Variants in COP1 observed in about 807,000 individuals in gnomAD.
COP1 encodes COP1 E3 ubiquitin ligase, also known as E3 ubiquitin-protein ligase COP1.
In COP1, 24 loss-of-function variants were observed where a neutral mutation model predicts 101.3. The ratio of observed to expected loss-of-function variants is 0.24; its 90% CI spans 0.17 to 0.33. The LOEUF is 0.33. COP1 is among the 10% of genes least tolerant of loss of function. The probability of loss-of-function intolerance (pLI) is 1.00; values close to 1 mark genes in which losing one functional copy is unlikely to be tolerated. For synonymous variants in COP1, 347 were observed against 341.9 expected (o/e 1.01, Z -0.17); for missense variants, 663 against 906.2 (o/e 0.73, Z 3.45).
intron 11 of COP1, among the ~76,000 whole-genome samples, chr1:176,063,611 A>G (rs1300510221): frequency 6.6e-6 from 1 of 152,214 alleles, no homozygotes; most frequent in African/African-American, 2.4e-5. Flanking sequence ...GAAGAGAAGA[A>G]GAGGAGAGAA....
At chr1:176,151,381 GAAAGAAAGAAA>G (rs1296387532) in intron 5 of COP1, among the ~76,000 whole-genome samples, 6 of 112,438 alleles carry the variant, frequency 5.3e-5, no homozygotes, top group African/African-American at 1.3e-4. Context: ...AAGAAAGAAA[GAAAGAAAGAAA>G]GAAAGAAAGA....
intron 1 of COP1, among the ~76,000 whole-genome samples, chr1:176,191,129 C>T (rs1006244154): frequency 6.6e-6 from 1 of 151,964 alleles, no homozygotes; most frequent in African/African-American, 2.4e-5. Context: ...ATACTCTAAA[C>T]CTCATAATCT....
At chr1:176,103,527 T>C (rs1572250631) in intron 9 of COP1, among the ~76,000 whole-genome samples, 3 of 152,178 alleles carry the variant, frequency 2.0e-5, no homozygotes, top group Admixed American at 2.0e-4. Context: ...AATATTTGCA[T>C]TGTACTTACC....
chr1:176,159,706 A>G (rs972174634), intron 5 of COP1, among the ~76,000 whole-genome samples: 4 of 152,332 alleles, frequency 2.6e-5, no homozygotes, highest in African/African-American at 9.6e-5. Flanking sequence ...TAACTACAGC[A>G]TGAAACCCTT....
rs1700965847 is a variant in COP1 at position 176,207,268 on chromosome 1, C to G, written c.-290G>C. 1 of 387,364 alleles carries G rather than the reference C, an allele frequency of 2.6e-6. No individual in the cohort carries two copies. Among genetic ancestry groups the G allele is most frequent in the African/African-American group, 2.1e-5 (1 of 47,628 alleles). 24.0% of individuals were successfully genotyped at this position (387,364 alleles called of 1,614,324 possible). A position where few individuals can be genotyped will look rare whatever the true frequency, so the allele number is the denominator to read the frequency against. ...CCAACCCCGGCGCGCCGTGGCCGGC[C>G]GTGCGCGCGCGCGCGAGCGGCGGAA... On this transcript the variant is annotated 5_prime_UTR_variant, in exon 1 of 20. Transcript: ENST00000367669.
At chr1:175,947,016 A>G (rs1008729156) in intron 19 of COP1, among the ~76,000 whole-genome samples, 179 bp downstream of exon 19, 1 of 152,230 alleles carries the variant, frequency 6.6e-6, no homozygotes, top group African/African-American at 2.4e-5. Flanking sequence ...AAGCACTATC[A>G]TCTTCTCCAC....
At chr1:176,069,859 C>T (rs1676661615) in intron 11 of COP1, among the ~76,000 whole-genome samples, 2 of 152,172 alleles carry the variant, frequency 1.3e-5, no homozygotes, top group African/African-American at 4.8e-5. Flanking sequence ...ATCTCCTTTC[C>T]CCTTTGGATT....
intron 3 of COP1, among the ~76,000 whole-genome samples, chr1:176,172,326 G>A (rs1451979437): frequency 6.6e-6 from 1 of 152,200 alleles, no homozygotes; most frequent in Non-Finnish European, 1.5e-5. Flanking sequence ...ATAGGTTTGA[G>A]CCACTGCACC....
intron 11 of COP1, among the ~76,000 whole-genome samples, chr1:176,079,638 A>T (rs867222284): frequency 2.6e-4 from 39 of 147,904 alleles, no homozygotes; most frequent in East Asian, 4.1e-4. Flanking sequence ...ATCTATAATT[A>T]AAAAAAAAAG....
At chr1:176,128,249 C>T (rs1350891584) in intron 8 of COP1, among the ~76,000 whole-genome samples, 3 of 152,006 alleles carry the variant, frequency 2.0e-5, no homozygotes, top group Admixed American at 2.0e-4. Flanking sequence ...TTCAAATATT[C>T]TAAAGAAAAT....
At chr1:176,206,427 G>T in intron 1 of COP1, 145 bp downstream of exon 1, 1 of 888,450 alleles carries the variant, frequency 1.1e-6, no homozygotes, top group Non-Finnish European at 1.7e-6. Flanking sequence ...GCCTGCAAAC[G>T]CTCGATTCCC....
rs551719472 is a variant in COP1 at position 175,998,212 on chromosome 1, C to CA, written c.1730-8734dup. 7.4e-3 allele frequency among the ~76,000 whole-genome samples: 1,086 copies of CA among 147,228 alleles called. 7 individuals carry two copies. The highest frequency in any genetic ancestry group is 0.014 in the Middle Eastern group (4 of 276). On this transcript the variant is annotated intron_variant, in intron 15 of 19. Transcript: ENST00000367669. The stretch of plus-strand genomic sequence containing the variant: ...CATTCTCAGTAAACTATCACAAGAA[C>CA]AAAAAACCAAACACCACATATTCTC...
At chr1:176,112,344 G>A (rs1685444838) in intron 9 of COP1, among the ~76,000 whole-genome samples, 1 of 151,438 alleles carries the variant, frequency 6.6e-6, no homozygotes, top group South Asian at 2.1e-4. Flanking sequence ...TTAAGTTTTA[G>A]GGTACATGTG....
intron 6 of COP1, among the ~76,000 whole-genome samples, chr1:176,139,291 A>C (rs934819892): frequency 7.6e-6 from 1 of 131,954 alleles, no homozygotes. Flanking sequence ...AAAAAAACAA[A>C]AAAAAAAAAC....
chr1:175,948,215 T>C lies in COP1; in HGVS notation c.2134-976A>G, dbSNP rs1447035459. Among the ~76,000 whole-genome samples, 3 of 152,128 alleles carry C rather than the reference T, an allele frequency of 2.0e-5. No homozygotes were observed. The East Asian group carries it at 5.8e-4, about 29-fold the overall frequency. On this transcript the variant is annotated intron_variant, in intron 18 of 19. Transcript: ENST00000367669. ...GGGAAAAGAAATGGACATGACTGAG[T>C]TTACTAGAGAGAATCTCAGAAAGTA...
rs142710089 is a variant in COP1, at chr1:176,194,720, T to C, written c.408-10028A>G. The stretch of plus-strand genomic sequence containing the variant: ...TACTCTGGGTACAAGAAACCCACTT[T>C]AAATATTAAAACACGTACATAATAG... On this transcript the variant is annotated intron_variant, in intron 1 of 19. Transcript: ENST00000367669. 2.0e-5 allele frequency among the ~76,000 whole-genome samples: 3 copies of C among 152,020 alleles called. No homozygotes were observed. The East Asian group carries it at 5.8e-4, about 29-fold the overall frequency.
chr1:176,008,444 C>G (rs1191052588), intron 15 of COP1, among the ~76,000 whole-genome samples: 1 of 152,164 alleles, frequency 6.6e-6, no homozygotes, highest in Non-Finnish European at 1.5e-5. Context: ...ATGATACTTT[C>G]AACAACAGAA....
At chr1:176,030,654 A>G (rs558732400) in intron 14 of COP1, among the ~76,000 whole-genome samples, 4 of 152,356 alleles carry the variant, frequency 2.6e-5, no homozygotes, top group Middle Eastern at 3.4e-3. Flanking sequence ...AGAATTCAAT[A>G]TAACTGTCTG....
chr1:176,157,443 A>T (rs1223929308), intron 5 of COP1, among the ~76,000 whole-genome samples: 1 of 152,070 alleles, frequency 6.6e-6, no homozygotes. Context: ...ACAACAAAAC[A>T]CCTGTCCAAC....
Sources: gnomAD v4.1 joint callset for allele counts (sites outside exome capture counted in the v4.1 genomes callset) on GRCh38, gnomAD v4.1.1 for gene constraint, MANE v1.5 for transcripts, NCBI Gene and HGNC (gene_info 2026-07-23, HGNC 2026-07-21) for gene names.